The following NRXN1 variants were observed in gnomAD, a reference collection of about 807,000 sequenced individuals.
NRXN1 encodes the protein neurexin 1.
A neutral mutation model predicts 150.9 loss-of-function variants in NRXN1; 39 were observed. The ratio of observed to expected loss-of-function variants is 0.26; its 90% CI spans 0.20 to 0.34. NRXN1 has a LOEUF of 0.34. Ranked by LOEUF, NRXN1 falls within the 10% of genes least tolerant of loss-of-function variation. NRXN1 has a pLI of 1.00. For missense variants in NRXN1, 1,815 were observed against 1,949.9 expected (o/e 0.93, Z 1.30); for synonymous variants, 924 against 757.0 (o/e 1.22, Z -3.62).
At chr2:50,527,200 G>A (rs1340010515) in intron 12 of NRXN1, among the ~76,000 whole-genome samples, 1 of 152,134 alleles carries the variant, frequency 6.6e-6, no homozygotes, top group Non-Finnish European at 1.5e-5. Flanking sequence ...ATGCAGGAGG[G>A]ATCAAGAAAA....
chr2:50,196,474 C>G (rs550306054), intron 18 of NRXN1, among the ~76,000 whole-genome samples: 16 of 152,226 alleles, frequency 1.1e-4, no homozygotes, highest in South Asian at 4.1e-4. Context: ...TGACTTTCCA[C>G]ACGAAATGAT....
intron 5 of NRXN1, among the ~76,000 whole-genome samples, chr2:50,830,853 T>G (rs2105886190): frequency 6.6e-6 from 1 of 152,130 alleles, no homozygotes; most frequent in Admixed American, 6.6e-5. Context: ...CACTCTTAAG[T>G]ATAGACCCAG....
chr2:50,847,198 G>A (rs958240282), intron 5 of NRXN1, among the ~76,000 whole-genome samples: 5 of 152,082 alleles, frequency 3.3e-5, no homozygotes, highest in African/African-American at 1.2e-4. Context: ...GAAGGTCAGA[G>A]CATGACCTTC....
At chr2:50,245,349 A>T (rs1466423811) in intron 17 of NRXN1, among the ~76,000 whole-genome samples, 2 of 151,972 alleles carry the variant, frequency 1.3e-5, no homozygotes, top group Non-Finnish European at 2.9e-5. Context: ...TAAAAATAAA[A>T]CAAAGCAAAG....
intron 12 of NRXN1, among the ~76,000 whole-genome samples, chr2:50,508,536 A>G (rs1441363042): frequency 6.6e-6 from 1 of 152,030 alleles, no homozygotes; most frequent in African/African-American, 2.4e-5. Flanking sequence ...AAAAGAGAAC[A>G]TATCATTTTA....
At chr2:50,935,541 G>A (rs751339062) in intron 2 of NRXN1, among the ~76,000 whole-genome samples, 6 of 152,054 alleles carry the variant, frequency 3.9e-5, no homozygotes, top group Admixed American at 2.6e-4. Flanking sequence ...TCCAACACCA[G>A]TCTGGTGAAA....
At chr2:49,934,770 G>A (rs900812510) in intron 22 of NRXN1, among the ~76,000 whole-genome samples, 1 of 151,946 alleles carries the variant, frequency 6.6e-6, no homozygotes, top group African/African-American at 2.4e-5. Flanking sequence ...TTCTTCTCTC[G>A]AAAGCACTCT....
chr2:50,549,819 A>G (rs1460537498), intron 9 of NRXN1, among the ~76,000 whole-genome samples: 1 of 152,184 alleles, frequency 6.6e-6, no homozygotes, highest in Non-Finnish European at 1.5e-5. Context: ...CCTTATAATA[A>G]GAAACCTCAT....
intron 17 of NRXN1, among the ~76,000 whole-genome samples, chr2:50,362,852 C>T (rs935883644): frequency 6.6e-5 from 10 of 151,128 alleles, no homozygotes; most frequent in Admixed American, 1.3e-4. Context: ...TATACAAGGT[C>T]ACAGTAACCA....
At chr2:50,922,757 C>A in intron 3 of NRXN1, 70 bp from the exon 4 acceptor site, 1 of 1,444,696 alleles carries the variant, frequency 6.9e-7, no homozygotes, top group Non-Finnish European at 9.6e-7. Flanking sequence ...GTCACGGTGA[C>A]AAAAATGTTC....
intron 8 of NRXN1, among the ~76,000 whole-genome samples, chr2:50,591,553 T>G (rs1377748640): frequency 6.6e-6 from 1 of 152,162 alleles, no homozygotes; most frequent in Non-Finnish European, 1.5e-5. Context: ...AGTTCTGAGT[T>G]ATCTATTTTT....
chr2:50,863,314 C>A (rs564714592), intron 5 of NRXN1, among the ~76,000 whole-genome samples: 11 of 152,148 alleles, frequency 7.2e-5, no homozygotes, highest in Admixed American at 5.9e-4. Context: ...AATTATTACA[C>A]CACCGCAGCA....
chr2:50,389,875 T>C (rs1402128), intron 17 of NRXN1, among the ~76,000 whole-genome samples: 56,839 of 151,956 alleles, frequency 0.37, 10,788 homozygotes, highest in East Asian at 0.45. Flanking sequence ...AATGGAACTT[T>C]AAATACACCA....
intron 5 of NRXN1, among the ~76,000 whole-genome samples, chr2:50,678,589 A>T (rs1173774045): frequency 6.6e-6 from 1 of 152,148 alleles, no homozygotes; most frequent in Non-Finnish European, 1.5e-5. Context: ...GGCACCGTTG[A>T]CATTTGGACC....
At position 50,263,697 on chromosome 2, in the gene NRXN1, A is replaced by G. The variant is rs181888689; in HGVS notation, c.3365-26727T>C. On this transcript the variant is annotated intron_variant, in intron 17 of 22. Coordinates refer to ENST00000401669, the MANE Select transcript of NRXN1 (RefSeq NM_001330078.2). ...GAGAAGAATAAAAACAATAAGAACA[A>G]TAACATTGGTTCAAGAAATCAGAGT... 2.8e-4 allele frequency among the ~76,000 whole-genome samples: 43 copies of G among 152,238 alleles called. 1 individual carries two copies. The highest frequency in any genetic ancestry group is 1.0e-3 in the African/African-American group (42 of 41,558).
chr2:50,345,559 G>T (rs192397228), intron 17 of NRXN1, among the ~76,000 whole-genome samples: 1 of 152,162 alleles, frequency 6.6e-6, no homozygotes, highest in Non-Finnish European at 1.5e-5. Flanking sequence ...TTTACACCGG[G>T]GTAGAATAAA....
At chr2:50,802,053 A>G (rs746909747) in intron 5 of NRXN1, among the ~76,000 whole-genome samples, 4 of 152,176 alleles carry the variant, frequency 2.6e-5, no homozygotes, top group African/African-American at 4.8e-5. Context: ...TGGAAAAAAA[A>G]TCAAACCCAA....
intron 21 of NRXN1, among the ~76,000 whole-genome samples, chr2:50,037,764 A>C (rs189366490): frequency 3.3e-5 from 5 of 152,224 alleles, no homozygotes; most frequent in Non-Finnish European, 7.3e-5. Context: ...GAAGATTAAA[A>C]GATTTTTCAG....
chr2:50,474,438 G>T (rs1468512935), intron 15 of NRXN1, among the ~76,000 whole-genome samples: 1 of 151,662 alleles, frequency 6.6e-6, no homozygotes, highest in African/African-American at 2.4e-5. Flanking sequence ...GTCAAAGAGG[G>T]TGCTGATTTC....
Sources: allele counts gnomAD v4.1 joint callset (sites outside exome capture counted in the v4.1 genomes callset), GRCh38; gene constraint gnomAD v4.1.1; transcripts MANE v1.5; gene names NCBI Gene and HGNC (gene_info 2026-07-23, HGNC 2026-07-21).